PHYHIP: variants seen among roughly 807,000 people sequenced by gnomAD.
PHYHIP encodes phytanoyl-CoA hydroxylase-interacting protein.
PHYHIP carries 7 observed loss-of-function variants against 26.1 expected under a neutral mutation model. That is an observed-to-expected ratio of 0.27 (90% CI 0.15 to 0.50). PHYHIP has a LOEUF of 0.50. PHYHIP is among the 20% of genes least tolerant of loss of function. The pLI is 0.98. For synonymous variants in PHYHIP, 206 were observed against 183.4 expected (o/e 1.12, Z -1.00); for missense variants, 232 against 454.7 (o/e 0.51, Z 4.45).
intron 1 of PHYHIP, among the ~76,000 whole-genome samples, chr8:22,229,128 G>T (rs1829817824): frequency 6.6e-6 from 1 of 152,166 alleles, no homozygotes; most frequent in South Asian, 2.1e-4. Context: ...GACGTCTCAT[G>T]CAACCTTGGA....
intron 3 of PHYHIP, 27 bp downstream of exon 3, chr8:22,226,824 G>C: frequency 6.3e-7 from 1 of 1,596,698 alleles, no homozygotes; most frequent in Non-Finnish European, 8.6e-7. Flanking sequence ...CAAGCAGCAG[G>C]ACAGGGGTGT....
At chr8:22,228,624 C>A in intron 1 of PHYHIP, 2 of 330,724 alleles carry the variant, frequency 6.0e-6, no homozygotes, top group South Asian at 8.6e-5. Flanking sequence ...GCAGACGGCA[C>A]CTGACAGGTG....
Position 22,221,906 on chromosome 8 carries a change from C to T in PHYHIP, c.459-19G>A, listed in dbSNP as rs368643269. The T allele has an allele frequency of 1.3e-6, 2 of 1,487,142 alleles. No individual in the cohort carries two copies. Among genetic ancestry groups the T allele is most frequent in the Non-Finnish European group, 9.0e-7 (1 of 1,116,394 alleles). 92.1% of individuals were successfully genotyped at this position (1,487,142 alleles called of 1,614,324 possible). A position where few individuals can be genotyped will look rare whatever the true frequency, so the allele number is the denominator to read the frequency against. On this transcript the variant is annotated intron_variant, in intron 4 of 4. Coordinates refer to ENST00000454243, the MANE Select transcript of PHYHIP (RefSeq NM_014759.5). The surrounding 1 kb of genome is among the most constrained non-coding windows in gnomAD (Gnocchi z 7.9). ...GTGGGTCCTGCCCACCCCAGGGAGA[C>T]ACACCAAAGGGAAGAGAAGATGTGG...
rs1369622673 is a variant in PHYHIP at position 22,221,087 on chromosome 8, G to A, written c.*266C>T. ...AGAACAGTAGGACAAGGAAACCAGA[G>A]GAAAGGGGAAGTTCTCCAGAAGTCC... On this transcript the variant is annotated 3_prime_UTR_variant, in exon 5 of 5. Coordinates refer to ENST00000454243, the MANE Select transcript of PHYHIP (RefSeq NM_014759.5). This position sits in a 1 kb window ranked among gnomAD's most constrained non-coding sequence, Gnocchi z 7.9. 2.2e-6 allele frequency: 1 copy of A among 451,208 alleles called. No homozygotes were observed. Among genetic ancestry groups the A allele is most frequent in the East Asian group, 3.2e-5 (1 of 30,810 alleles). The allele number at this position is 451,208 out of a possible 1,614,324, so 28.0% of individuals were successfully genotyped here. A position where few individuals can be genotyped will look rare whatever the true frequency, so the allele number is the denominator to read the frequency against.
chr8:22,230,416 C>G (rs942070817), intron 1 of PHYHIP, among the ~76,000 whole-genome samples: 2 of 152,108 alleles, frequency 1.3e-5, no homozygotes, highest in Admixed American at 6.5e-5. Flanking sequence ...CCCTCCCTCC[C>G]TACGGTTCTG....
chr8:22,223,836 GAACCCTTT>G, intron 4 of PHYHIP: 10 of 167,082 alleles, frequency 6.0e-5, no homozygotes, highest in Non-Finnish European at 7.7e-5. Context: ...GTGCTTCCTC[GAACCCTTT>G]GTGATCAGAA....
Position 22,221,571 on chromosome 8 carries a change from T to C in PHYHIP, c.775A>G (p.Ile259Val), listed in dbSNP as rs1364184530. The change falls in exon 5 of 5, where the codon ATT becomes GTT. Residue 259 changes from isoleucine to valine, a missense_variant. Ile to Val is a conservative substitution (Grantham distance 29). Coordinates refer to ENST00000454243, the MANE Select transcript of PHYHIP (RefSeq NM_014759.5). This position sits in a 1 kb window ranked among gnomAD's most constrained non-coding sequence, Gnocchi z 7.9. ...CAGGTCAGGAACTTGTTGCAAGCAA[T>C]GTCCAGGAGGGGCAGGCGGTCGCGG... is the stretch of plus-strand genomic sequence containing the variant. ...FCRDRLPLLD[I>V]ACNKFLTCSV... is the part of the protein sequence containing the mutation. The C allele has an allele frequency of 1.9e-6, 3 of 1,613,910 alleles. No homozygotes were observed. Among genetic ancestry groups the C allele is most frequent in the Admixed American group, 3.3e-5 (2 of 60,000 alleles).
In PHYHIP at chr8:22,221,910, C is replaced by A; in HGVS notation, c.459-23G>T. On this transcript the variant is annotated intron_variant, in intron 4 of 4. Transcript: ENST00000454243. This position sits in a 1 kb window ranked among gnomAD's most constrained non-coding sequence, Gnocchi z 7.9. Reference sequence around the variant, plus strand: ...GTCCTGCCCACCCCAGGGAGACACACCAAAGGGAAGAGAAGATGTGGCTGG... The same window carrying A: ...GTCCTGCCCACCCCAGGGAGACACAACAAAGGGAAGAGAAGATGTGGCTGG... 6.8e-7 allele frequency: 1 copy of A among 1,478,774 alleles called. No homozygotes were observed. The highest frequency in any genetic ancestry group is 1.4e-5 in the African/African-American group (1 of 71,686). 91.6% of individuals were successfully genotyped at this position (1,478,774 alleles called of 1,614,324 possible).
At position 22,221,008 on chromosome 8, in the gene PHYHIP, G is replaced by C. The variant is rs950147367; in HGVS notation, c.*345C>G. 1 of 244,506 alleles carries C rather than the reference G, an allele frequency of 4.1e-6. No individual in the cohort carries two copies. The highest frequency in any genetic ancestry group is 8.0e-6 in the Non-Finnish European group (1 of 125,436). The allele number at this position is 244,506 out of a possible 1,614,324, so 15.1% of individuals were successfully genotyped here. On this transcript the variant is annotated 3_prime_UTR_variant, in exon 5 of 5. Coordinates refer to ENST00000454243, the MANE Select transcript of PHYHIP (RefSeq NM_014759.5). This position sits in a 1 kb window ranked among gnomAD's most constrained non-coding sequence, Gnocchi z 7.9. The stretch of plus-strand genomic sequence containing the variant: ...GCTTTGGCCCAGAGGGGCTTCCCTG[G>C]GAGAGCCCAGGAGGTGGGCAGGTCT...
Position 22,224,208 on chromosome 8 carries a change from G to C in PHYHIP, c.458+18C>G. 3.4e-6 allele frequency: 5 copies of C among 1,465,924 alleles called. No individual in the cohort carries two copies. Among genetic ancestry groups the C allele is most frequent in the East Asian group, 4.5e-5 (2 of 44,200 alleles). The allele number at this position is 1,465,924 out of a possible 1,614,324, so 90.8% of individuals were successfully genotyped here. A position where few individuals can be genotyped will look rare whatever the true frequency, so the allele number is the denominator to read the frequency against. On this transcript the variant is annotated intron_variant, in intron 4 of 4. Coordinates refer to ENST00000454243, the MANE Select transcript of PHYHIP (RefSeq NM_014759.5). ...GAGGAGAGGCCCGGCGGGTCCAGCC[G>C]GGAGCCCGCGCCCATACCTGGCATG...
intron 1 of PHYHIP, among the ~76,000 whole-genome samples, chr8:22,229,671 T>C (rs6557917): frequency 0.62 from 94,961 of 152,038 alleles, 30,620 homozygotes; most frequent in African/African-American, 0.79. Flanking sequence ...TCCAGCCCAG[T>C]TCCTGGCACC....
intron 1 of PHYHIP, among the ~76,000 whole-genome samples, chr8:22,231,521 C>A (rs533919095): frequency 2.2e-4 from 34 of 152,366 alleles, no homozygotes; most frequent in African/African-American, 7.2e-4. Flanking sequence ...AAACAGCCAC[C>A]CTGCCACAGG....
intron 1 of PHYHIP, among the ~76,000 whole-genome samples, chr8:22,229,243 C>T (rs535173815): frequency 1.2e-4 from 18 of 152,290 alleles, no homozygotes; most frequent in African/African-American, 3.9e-4. Context: ...ATTTGAACTC[C>T]GGCACCCAAG....
Position 22,221,733 on chromosome 8 carries a change from G to A in PHYHIP, c.613C>T (p.Arg205Cys), listed in dbSNP as rs751865156. ...PPQDSPYGRW[R>C]FQIPAQRLFN... ...AGGCGCTGAGCTGGGATCTGGAAGC[G>A]CCAGCGGCCGTAGGGGGAGTCCTGC... Residue 205 changes from arginine to cysteine, a missense_variant, in exon 5 of 5, where the codon CGC becomes TGC. Arg to Cys is a radical substitution (Grantham distance 180). Coordinates refer to ENST00000454243, the MANE Select transcript of PHYHIP (RefSeq NM_014759.5). This position sits in a 1 kb window ranked among gnomAD's most constrained non-coding sequence, Gnocchi z 7.9. 2.5e-6 allele frequency: 4 copies of A among 1,612,638 alleles called. No individual in the cohort carries two copies. The highest frequency in any genetic ancestry group is 1.3e-5 in the African/African-American group (1 of 74,908).
rs1829622704 is a variant in PHYHIP at position 22,221,478 on chromosome 8, C to T, written c.868G>A (p.Glu290Lys). 1 of 1,614,172 alleles carries T rather than the reference C, an allele frequency of 6.2e-7. No individual in the cohort carries two copies. Among genetic ancestry groups the T allele is most frequent in the Non-Finnish European group, 8.5e-7 (1 of 1,180,022 alleles). Residue 290 changes from glutamate to lysine, a missense_variant, in exon 5 of 5, where the codon GAG becomes AAG. Coordinates refer to ENST00000454243, the MANE Select transcript of PHYHIP (RefSeq NM_014759.5). This position sits in a 1 kb window ranked among gnomAD's most constrained non-coding sequence, Gnocchi z 7.9. ...GTGCCCAGGGACAGGTCGACGGGCT[C>T]AGTGTAGATGATCTCCAGGATGAGG... ...QDLILEIIYTEPVDLSLGTLG... is the reference protein window; with the variant it reads ...QDLILEIIYTKPVDLSLGTLG...
Position 22,228,392 on chromosome 8 carries a change from GA to G in PHYHIP, c.-29-7del. The G allele has an allele frequency of 6.5e-7, 1 of 1,542,800 alleles. No homozygotes were observed. The highest frequency in any genetic ancestry group is 8.8e-7 in the Non-Finnish European group (1 of 1,136,416). On this transcript the variant is annotated splice_region_variant and splice_polypyrimidine_tract_variant and intron_variant, in intron 1 of 4. Transcript: ENST00000454243. ...AGGGTTGTCTCCTGTGGGGACTGAGGAGGAGGGAAAGGGTCAGTACATCCCT... is the reference window on the plus strand; with the variant it reads ...AGGGTTGTCTCCTGTGGGGACTGAGGGGAGGGAAAGGGTCAGTACATCCCT...
rs73670388 is a variant in PHYHIP at position 22,223,920 on chromosome 8, G to C, written c.458+306C>G. The stretch of plus-strand genomic sequence containing the variant: ...CAGGGCCTGAATCGGAGAGACCTGT[G>C]GTGGTAGACCCCTGTGAAAGGAACT... On this transcript the variant is annotated intron_variant, in intron 4 of 4. Coordinates refer to ENST00000454243, the MANE Select transcript of PHYHIP (RefSeq NM_014759.5). The C allele has an allele frequency of 7.9e-3, 2,238 of 284,258 alleles. 43 individuals carry two copies. Among genetic ancestry groups the C allele is most frequent in the African/African-American group, 0.045 (2,039 of 45,340 alleles). The allele number at this position is 284,258 out of a possible 1,614,324, so 17.6% of individuals were successfully genotyped here.
intron 2 of PHYHIP, chr8:22,227,614 C>G: frequency 2.2e-6 from 1 of 456,458 alleles, no homozygotes; most frequent in South Asian, 1.5e-5. Flanking sequence ...CCACCCACCC[C>G]CACACTGGCT....
chr8:22,222,024 G>A, intron 4 of PHYHIP, 137 bp from the exon 5 acceptor site: 2 of 677,410 alleles, frequency 3.0e-6, no homozygotes, highest in Non-Finnish European at 2.4e-6. Context: ...GCCTCCACTA[G>A]TCGCAAATAG....
Sources: allele counts gnomAD v4.1 joint callset (sites outside exome capture counted in the v4.1 genomes callset), GRCh38; gene constraint gnomAD v4.1.1; non-coding constraint Gnocchi (gnomAD v3.1); transcripts MANE v1.5; gene names NCBI Gene and HGNC (gene_info 2026-07-23, HGNC 2026-07-21).